CNTN5: variants seen among roughly 807,000 people sequenced by gnomAD.
CNTN5 encodes the protein contactin-5.
A neutral mutation model predicts 129.1 loss-of-function variants in CNTN5; 77 were observed. The observed-to-expected ratio is 0.60, with a 90% confidence interval of 0.50 to 0.72. The LOEUF (loss-of-function observed/expected upper bound fraction) is 0.72. Ranked by LOEUF, CNTN5 falls within the 30% of genes least tolerant of loss-of-function variation. CNTN5 has a pLI of 0.00. For synonymous variants in CNTN5, 509 were observed against 465.6 expected (o/e 1.09, Z -1.20); for missense variants, 1,478 against 1,328.8 (o/e 1.11, Z -1.75).
chr11:100,294,856 G>A (rs1015212579), intron 18 of CNTN5, among the ~76,000 whole-genome samples: 2 of 151,538 alleles, frequency 1.3e-5, no homozygotes, highest in African/African-American at 4.8e-5. Flanking sequence ...GACTCCATCA[G>A]TGCAGAGATA....
intron 1 of CNTN5, among the ~76,000 whole-genome samples, chr11:99,124,844 A>T (rs759803137): frequency 2.0e-5 from 3 of 151,978 alleles, no homozygotes; most frequent in Non-Finnish European, 4.4e-5. Flanking sequence ...CAAGTTTTTG[A>T]ACACAAACTA....
intron 13 of CNTN5, among the ~76,000 whole-genome samples, chr11:100,168,447 T>G (rs1947716396): frequency 6.6e-6 from 1 of 151,964 alleles, no homozygotes; most frequent in African/African-American, 2.4e-5. Context: ...GTAGGGCTCT[T>G]GAGAATTATG....
At chr11:100,220,844 T>C (rs1949248005) in intron 15 of CNTN5, among the ~76,000 whole-genome samples, 2 of 152,178 alleles carry the variant, frequency 1.3e-5, no homozygotes, top group East Asian at 1.9e-4. Context: ...TTTTCCACTG[T>C]CTTTTTCCAT....
rs953945424 is a variant in CNTN5 at position 100,284,653 on chromosome 11, C to T, written c.2315-12972C>T. Among the ~76,000 whole-genome samples, 3 of 152,226 alleles carry T rather than the reference C, an allele frequency of 2.0e-5. No individual in the cohort carries two copies. In the East Asian group the frequency reaches 5.8e-4, roughly 29 times the overall value. On this transcript the variant is annotated intron_variant, in intron 18 of 24. Transcript: ENST00000524871. ...TTTAATATTCTATACGTTACATGTT[C>T]TTAATACGGTTGAAAAATAAATGAA...
chr11:99,300,476 A>G (rs1302673808), intron 1 of CNTN5, among the ~76,000 whole-genome samples: 1 of 151,930 alleles, frequency 6.6e-6, no homozygotes, highest in East Asian at 1.9e-4. Context: ...CCATTTGATC[A>G]TGGTGTATTA....
At chr11:100,330,384 T>C (rs992985425) in intron 21 of CNTN5, among the ~76,000 whole-genome samples, 3 of 152,166 alleles carry the variant, frequency 2.0e-5, no homozygotes, top group African/African-American at 7.2e-5. Context: ...AAGAGAAATC[T>C]AAAAGTTTTG....
At chr11:100,120,305 C>G (rs1299909395) in intron 13 of CNTN5, among the ~76,000 whole-genome samples, 1 of 151,856 alleles carries the variant, frequency 6.6e-6, no homozygotes, top group Non-Finnish European at 1.5e-5. Context: ...CAATTTACAC[C>G]ACCATTAAAT....
chr11:99,870,693 C>T lies in CNTN5; in HGVS notation c.577+25431C>T, dbSNP rs112695133. 1.2e-4 allele frequency among the ~76,000 whole-genome samples: 18 copies of T among 152,088 alleles called. No homozygotes were observed. In the East Asian group the frequency reaches 1.9e-3, roughly 16 times the overall value. ...TTTCCCTAGCTTTTCTTTGTAATTA[C>T]GGACAATTTGAAAGCTGCCTTAGGA... On this transcript the variant is annotated intron_variant, in intron 6 of 24. Coordinates refer to ENST00000524871, the MANE Select transcript of CNTN5 (RefSeq NM_014361.4).
At chr11:100,234,384 G>A (rs1328799659) in intron 16 of CNTN5, among the ~76,000 whole-genome samples, 2 of 152,096 alleles carry the variant, frequency 1.3e-5, no homozygotes, top group Non-Finnish European at 2.9e-5. Flanking sequence ...GCAAAGACTT[G>A]GAACCAACCC....
intron 1 of CNTN5, among the ~76,000 whole-genome samples, chr11:99,174,235 G>A (rs572442644): frequency 1.3e-5 from 2 of 152,242 alleles, no homozygotes; most frequent in South Asian, 4.1e-4. Context: ...CTGACCTCAA[G>A]TGATCTGCTT....
At chr11:99,128,157 G>A (rs1036028911) in intron 1 of CNTN5, among the ~76,000 whole-genome samples, 6 of 152,242 alleles carry the variant, frequency 3.9e-5, no homozygotes, top group East Asian at 1.9e-4. Flanking sequence ...AGGGTCCCAC[G>A]CCCACAGAAC....
At chr11:99,728,563 A>T (rs1016644817) in intron 3 of CNTN5, among the ~76,000 whole-genome samples, 1 of 152,200 alleles carries the variant, frequency 6.6e-6, no homozygotes, top group African/African-American at 2.4e-5. Context: ...TCTGCTGTCA[A>T]AGGTATTGCT....
At chr11:99,436,922 G>A (rs1943622247) in intron 2 of CNTN5, among the ~76,000 whole-genome samples, 1 of 151,946 alleles carries the variant, frequency 6.6e-6, no homozygotes, top group Non-Finnish European at 1.5e-5. Context: ...CTCCCTAAAA[G>A]GTTTTCTCTA....
rs1491098106 is a variant in CNTN5 at position 100,190,730 on chromosome 11, T to TTG, written c.1581-395_1581-394insGT. 1.7e-4 allele frequency among the ~76,000 whole-genome samples: 3 copies of TTG among 17,718 alleles called. No homozygotes were observed. The African/African-American group carries it at 3.9e-3, about 23-fold the overall frequency. The allele number at this position is 17,718 out of a possible 152,430, so 11.6% of individuals were successfully genotyped here. ...TATACTCCTCTATGTTTTTATGCTGTTTTTTTTTTTTATATATGACTTTTG... is the reference window on the plus strand; with the variant it reads ...TATACTCCTCTATGTTTTTATGCTGTTGTTTTTTTTTTTATATATGACTTTTG... On this transcript the variant is annotated intron_variant, in intron 13 of 24. Transcript: ENST00000524871.
intron 3 of CNTN5, among the ~76,000 whole-genome samples, chr11:99,578,784 G>T (rs1039620412): frequency 6.6e-6 from 1 of 152,144 alleles, no homozygotes; most frequent in African/African-American, 2.4e-5. Context: ...TAGGTTGCCT[G>T]TTCATTCTGA....
At chr11:99,899,147 G>C (rs575806251) in intron 6 of CNTN5, among the ~76,000 whole-genome samples, 2 of 152,034 alleles carry the variant, frequency 1.3e-5, no homozygotes, top group East Asian at 1.9e-4. Flanking sequence ...GGGTTTTCTA[G>C]GTAAACAATC....
chr11:99,779,770 A>C (rs997571029), intron 3 of CNTN5, among the ~76,000 whole-genome samples: 3 of 152,028 alleles, frequency 2.0e-5, no homozygotes, highest in Admixed American at 2.0e-4. Flanking sequence ...TTATTACATC[A>C]GTTTGTGGCC....
At chr11:100,017,346 A>G (rs1306503875) in intron 9 of CNTN5, among the ~76,000 whole-genome samples, 1 of 151,966 alleles carries the variant, frequency 6.6e-6, no homozygotes, top group Admixed American at 6.6e-5. Flanking sequence ...GATTTAGTAG[A>G]CCCAATGCAT....
chr11:99,334,778 T>C (rs190146953), intron 2 of CNTN5, among the ~76,000 whole-genome samples: 1 of 152,218 alleles, frequency 6.6e-6, no homozygotes, highest in East Asian at 1.9e-4. Flanking sequence ...CATGTAGAAA[T>C]TATAATATTT....
Sources: gnomAD v4.1 joint callset for allele counts (sites outside exome capture counted in the v4.1 genomes callset) on GRCh38, gnomAD v4.1.1 for gene constraint, MANE v1.5 for transcripts, NCBI Gene and HGNC (gene_info 2026-07-23, HGNC 2026-07-21) for gene names.